The following SCN10A variants were observed in gnomAD, a reference collection of about 807,000 sequenced individuals.
The protein encoded by SCN10A is sodium channel protein type 10 subunit alpha.
A neutral mutation model predicts 170.7 loss-of-function variants in SCN10A; 162 were observed. The ratio of observed to expected loss-of-function variants is 0.95; its 90% confidence interval spans 0.84 to 1.08. The LOEUF is 1.08. Among genes scored for constraint, SCN10A ranks in the 50% least tolerant of loss-of-function variants. The pLI is 0.00. For synonymous variants in SCN10A, 985 were observed against 904.6 expected (o/e 1.09, Z -1.59); for missense variants, 2,527 against 2,436.9 (o/e 1.04, Z -0.78).
intron 16 of SCN10A, 55 bp from the exon 17 acceptor site, chr3:38,727,107 T>C (rs1292351351): frequency 6.5e-7 from 1 of 1,530,224 alleles, no homozygotes; most frequent in Non-Finnish European, 8.9e-7. Context: ...GAGCCCCACA[T>C]TGGCCTACCG....
At chr3:38,775,291 A>ACAG (rs2064059181) in intron 4 of SCN10A, among the ~76,000 whole-genome samples, 1 of 152,056 alleles carries the variant, frequency 6.6e-6, no homozygotes, top group Admixed American at 6.6e-5. Flanking sequence ...GTCTCCATGA[A>ACAG]TTTGCCTGTT....
In SCN10A at chr3:38,713,312, T is replaced by C. The variant is rs550788909; in HGVS notation, c.3804+646A>G. On this transcript the variant is annotated intron_variant, in intron 22 of 27. Transcript: ENST00000449082. ...GGTAATGAGCTGATGATGTCACTCA[T>C]GGAGTATTAGAGGAAAGACTCATTT... is the stretch of plus-strand genomic sequence containing the variant. Among the ~76,000 whole-genome samples, 53 of 152,296 alleles carry C rather than the reference T, an allele frequency of 3.5e-4. 1 individual carries two copies. The South Asian group carries it at 7.3e-3, about 21-fold the overall frequency.
chr3:38,729,475 G>A (rs1035671254), intron 15 of SCN10A, among the ~76,000 whole-genome samples: 8 of 152,102 alleles, frequency 5.3e-5, no homozygotes, highest in East Asian at 1.9e-4. Context: ...ATTGACCAAC[G>A]AACCTACCCC....
chr3:38,707,341 A>G lies in SCN10A; in HGVS notation c.4324T>C (p.Tyr1442His). The change falls in exon 26 of 28, where the codon TAC (tyrosine) becomes CAC (histidine). Residue 1442 changes from tyrosine to histidine, a missense_variant. Coordinates refer to ENST00000449082, the MANE Select transcript of SCN10A (RefSeq NM_006514.4). ...CCCAACTTCTTCATGGCATTGTAGTATTTCTTCTGCTCCTCTGTCATGAAG... is the reference window on the plus strand; with the variant it reads ...CCCAACTTCTTCATGGCATTGTAGTGTTTCTTCTGCTCCTCTGTCATGAAG... ...DIFMTEEQKK[Y>H]YNAMKKLGSK... 6.2e-7 allele frequency: 1 copy of G among 1,614,056 alleles called. No homozygotes were observed. Among genetic ancestry groups the G allele is most frequent in the African/African-American group, 1.3e-5 (1 of 75,000 alleles).
At chr3:38,772,718 C>CAAAA (rs1433827001) in intron 4 of SCN10A, among the ~76,000 whole-genome samples, 3 of 76,608 alleles carry the variant, frequency 3.9e-5, no homozygotes, top group East Asian at 4.4e-4. Flanking sequence ...GCAACAACAA[C>CAAAA]AACAACAAAA....
chr3:38,803,675 G>A (rs1244149506), intron 1 of SCN10A, among the ~76,000 whole-genome samples: 2 of 149,894 alleles, frequency 1.3e-5, no homozygotes. Flanking sequence ...GGGAGGGATA[G>A]CATTAGGAGA....
intron 14 of SCN10A, 139 bp downstream of exon 14, chr3:38,742,152 C>T (rs1304632465): frequency 4.6e-6 from 3 of 654,296 alleles, no homozygotes; most frequent in African/African-American, 3.6e-5. Context: ...GTCTCCTGCA[C>T]TGCTGCTCTG....
intron 5 of SCN10A, among the ~76,000 whole-genome samples, chr3:38,767,191 G>C (rs2063942319): frequency 6.6e-6 from 1 of 151,066 alleles, no homozygotes; most frequent in Non-Finnish European, 1.5e-5. Flanking sequence ...CCCGCTTTTT[G>C]TTTCACTTAT....
intron 12 of SCN10A, 29 bp from the exon 13 acceptor site, chr3:38,750,213 C>G (rs764061799): frequency 1.5e-6 from 2 of 1,335,238 alleles, no homozygotes; most frequent in Non-Finnish European, 2.1e-6. Context: ...AGTCAGGACG[C>G]TCCTTTAACC....
intron 13 of SCN10A, among the ~76,000 whole-genome samples, chr3:38,748,177 A>G (rs1333014118): frequency 1.3e-5 from 2 of 152,240 alleles, no homozygotes; most frequent in African/African-American, 2.4e-5. Context: ...ACCAAAACAA[A>G]CAAACAAAAA....
At chr3:38,804,256 C>A (rs1158181946) in intron 1 of SCN10A, among the ~76,000 whole-genome samples, 2 of 152,028 alleles carry the variant, frequency 1.3e-5, no homozygotes, top group Non-Finnish European at 2.9e-5. Context: ...TGCTCATATT[C>A]TCTTCATGTT....
chr3:38,781,679 C>G (rs963257632), intron 4 of SCN10A, among the ~76,000 whole-genome samples: 1 of 152,116 alleles, frequency 6.6e-6, no homozygotes, highest in African/African-American at 2.4e-5. Context: ...CAGGAATAAA[C>G]AAACTCATTT....
intron 4 of SCN10A, among the ~76,000 whole-genome samples, chr3:38,787,635 A>G (rs191141552): frequency 6.6e-6 from 1 of 152,114 alleles, no homozygotes; most frequent in Admixed American, 6.6e-5. Context: ...TTGATACTTT[A>G]AAACAATGAA....
rs560223974 is a variant in SCN10A at position 38,766,384 on chromosome 3, C to T, written c.600-2788G>A. Among the ~76,000 whole-genome samples, 4 of 152,158 alleles carry T rather than the reference C, an allele frequency of 2.6e-5. No homozygotes were observed. The East Asian group carries it at 7.7e-4, about 29-fold the overall frequency. On this transcript the variant is annotated intron_variant, in intron 5 of 27. Transcript: ENST00000449082. ...TTGGCTGTGGATTTGTCATAGATGG[C>T]TTTTATTACCTTGGAGTATGTCCCT... is the stretch of plus-strand genomic sequence containing the variant.
At chr3:38,750,001 A>G in intron 13 of SCN10A, 72 bp downstream of exon 13, 1 of 810,148 alleles carries the variant, frequency 1.2e-6, no homozygotes, top group East Asian at 2.5e-5. Context: ...CGAGTTAGAG[A>G]CATTGCTTCT....
At chr3:38,788,640 G>A (rs758126114) in intron 4 of SCN10A, among the ~76,000 whole-genome samples, 4 of 151,724 alleles carry the variant, frequency 2.6e-5, no homozygotes, top group Non-Finnish European at 5.9e-5. Flanking sequence ...TGGGGGCGAG[G>A]AGACTCATCT....
chr3:38,730,591 T>C (rs1234860901), intron 15 of SCN10A, among the ~76,000 whole-genome samples: 1 of 152,150 alleles, frequency 6.6e-6, no homozygotes, highest in Non-Finnish European at 1.5e-5. Flanking sequence ...GAGATAACAG[T>C]ATAATTAGAT....
intron 4 of SCN10A, among the ~76,000 whole-genome samples, chr3:38,771,991 G>A (rs4369974): frequency 0.92 from 139,559 of 152,242 alleles, 64,315 homozygotes; most frequent in Non-Finnish European, 0.97. Flanking sequence ...GTTTTTTACA[G>A]GAACCAGTTG....
At chr3:38,746,100 TGCCATCTTTGTC>T (rs2063687484) in intron 13 of SCN10A, among the ~76,000 whole-genome samples, 53 of 99,782 alleles carry the variant, frequency 5.3e-4, no homozygotes, top group South Asian at 1.1e-3. Context: ...TATATATATA[TGCCATCTTTGTC>T]ATCTAAGTTC....
Sources: gnomAD v4.1 joint callset for allele counts (sites outside exome capture counted in the v4.1 genomes callset) on GRCh38, gnomAD v4.1.1 for gene constraint, MANE v1.5 for transcripts, NCBI Gene and HGNC (gene_info 2026-07-23, HGNC 2026-07-21) for gene names.